Variants in GALNTL6 observed in about 807,000 individuals in gnomAD.
GALNTL6 encodes the protein polypeptide N-acetylgalactosaminyltransferase-like 6.
A neutral mutation model predicts 73.7 loss-of-function variants in GALNTL6; 46 were observed. That is an observed-to-expected ratio of 0.62 (90% CI 0.49 to 0.80). The LOEUF is 0.80. GALNTL6 is among the 30% of genes least tolerant of loss of function. GALNTL6 has a pLI of 0.00. For missense variants in GALNTL6, 604 were observed against 755.0 expected, an observed-to-expected ratio of 0.80 and a Z score of 2.34; for synonymous variants, 259 against 263.7, an observed-to-expected ratio of 0.98 and a Z score of 0.17.
chr4:172,614,548 A>G (rs957783539), intron 5 of GALNTL6, among the ~76,000 whole-genome samples: 7 of 152,184 alleles, frequency 4.6e-5, no homozygotes, highest in Admixed American at 2.0e-4. Context: ...AGTATCTTGT[A>G]TTGGGTAGTT....
chr4:171,951,506 G>A (rs745982717), intron 2 of GALNTL6, among the ~76,000 whole-genome samples: 2 of 151,718 alleles, frequency 1.3e-5, no homozygotes, highest in African/African-American at 2.4e-5. Context: ...TAAAAATCAC[G>A]AGTAAAAATT....
At chr4:172,225,214 T>C (rs1736813351) in intron 2 of GALNTL6, among the ~76,000 whole-genome samples, 2 of 151,968 alleles carry the variant, frequency 1.3e-5, no homozygotes, top group Non-Finnish European at 2.9e-5. Context: ...TGGAGATTGC[T>C]CATGTTAAAG....
chr4:172,965,493 G>A (rs1160293522), intron 10 of GALNTL6, among the ~76,000 whole-genome samples: 1 of 152,020 alleles, frequency 6.6e-6, no homozygotes, highest in Non-Finnish European at 1.5e-5. Flanking sequence ...TGAGGTGGGA[G>A]AATGGCGTGA....
chr4:171,994,374 G>A (rs548356746), intron 2 of GALNTL6, among the ~76,000 whole-genome samples: 3 of 152,058 alleles, frequency 2.0e-5, no homozygotes, highest in Non-Finnish European at 4.4e-5. Context: ...GATATTTAAT[G>A]GTTGTTTATT....
chr4:172,500,107 A>G (rs1734207727), intron 5 of GALNTL6, among the ~76,000 whole-genome samples: 1 of 152,190 alleles, frequency 6.6e-6, no homozygotes, highest in Admixed American at 6.5e-5. Flanking sequence ...AATGTATGTC[A>G]AGACATATCA....
intron 3 of GALNTL6, among the ~76,000 whole-genome samples, chr4:172,285,473 T>C (rs1370769897): frequency 1.3e-5 from 2 of 152,168 alleles, no homozygotes; most frequent in African/African-American, 4.8e-5. Context: ...GTCTAATGTC[T>C]CATGAAAAGT....
At chr4:172,128,542 G>T (rs1006539145) in intron 2 of GALNTL6, among the ~76,000 whole-genome samples, 1 of 152,136 alleles carries the variant, frequency 6.6e-6, no homozygotes, top group Non-Finnish European at 1.5e-5. Flanking sequence ...CTAAAATTTT[G>T]CCCTGATAGG....
At chr4:172,144,094 T>C (rs1482102702) in intron 2 of GALNTL6, among the ~76,000 whole-genome samples, 1 of 152,204 alleles carries the variant, frequency 6.6e-6, no homozygotes, top group Non-Finnish European at 1.5e-5. Flanking sequence ...TATTTCTCCA[T>C]GACTTCAGGG....
At chr4:171,863,652 A>G (rs1007429362) in intron 2 of GALNTL6, among the ~76,000 whole-genome samples, 1 of 152,168 alleles carries the variant, frequency 6.6e-6, no homozygotes, top group South Asian at 2.1e-4. Flanking sequence ...ACTGAGCTGG[A>G]TATTCATCAT....
rs180733429 is a variant in GALNTL6 at position 172,350,705 on chromosome 4, A to G, written c.553+2016A>G. ...AAATAGGTGATAAAATGCTTCTATA[A>G]TCTTTTATAATACATCATAATTTTT... On this transcript the variant is annotated intron_variant, in intron 5 of 12. Coordinates refer to ENST00000506823, the MANE Select transcript of GALNTL6 (RefSeq NM_001034845.3). Among the ~76,000 whole-genome samples, 6 of 152,258 alleles carry G rather than the reference A, an allele frequency of 3.9e-5. No homozygotes were observed. In the East Asian group the frequency reaches 9.6e-4, roughly 24 times the overall value.
intron 2 of GALNTL6, among the ~76,000 whole-genome samples, chr4:171,861,697 T>C (rs1392790995): frequency 1.3e-5 from 2 of 152,184 alleles, no homozygotes; most frequent in Non-Finnish European, 2.9e-5. Context: ...CACAGAACTT[T>C]ACAACTTTCA....
At chr4:172,287,230 C>T (rs1023939746) in intron 3 of GALNTL6, among the ~76,000 whole-genome samples, 4 of 152,120 alleles carry the variant, frequency 2.6e-5, no homozygotes, top group African/African-American at 9.7e-5. Context: ...GGAATGTATC[C>T]ATGTGTCTCT....
intron 5 of GALNTL6, among the ~76,000 whole-genome samples, chr4:172,673,986 T>A (rs1013760284): frequency 1.3e-5 from 2 of 152,248 alleles, no homozygotes; most frequent in African/African-American, 4.8e-5. Context: ...AGTATTGATA[T>A]GTGTGGATTT....
At chr4:172,142,298 G>A (rs971899852) in intron 2 of GALNTL6, among the ~76,000 whole-genome samples, 4 of 151,954 alleles carry the variant, frequency 2.6e-5, no homozygotes, top group African/African-American at 9.7e-5. Context: ...TTGAAGTTTT[G>A]TGCAGTCCTT....
At chr4:172,420,803 G>A (rs1016248092) in intron 5 of GALNTL6, among the ~76,000 whole-genome samples, 14 of 151,994 alleles carry the variant, frequency 9.2e-5, no homozygotes, top group Admixed American at 8.5e-4. Context: ...AGAAAATGTG[G>A]CACATATACA....
At chr4:172,990,013 A>G (rs1207859238) in intron 10 of GALNTL6, among the ~76,000 whole-genome samples, 1 of 152,178 alleles carries the variant, frequency 6.6e-6, no homozygotes, top group Non-Finnish European at 1.5e-5. Context: ...TGGGCCCGTC[A>G]AAAATTATTT....
At chr4:172,059,836 A>AT (rs2110878525) in intron 2 of GALNTL6, among the ~76,000 whole-genome samples, 1 of 152,222 alleles carries the variant, frequency 6.6e-6, no homozygotes, top group South Asian at 2.1e-4. Context: ...TCATAAGTCC[A>AT]TTTTCTTCTC....
At chr4:172,728,965 G>A (rs1016496372) in intron 5 of GALNTL6, among the ~76,000 whole-genome samples, 6 of 152,152 alleles carry the variant, frequency 3.9e-5, no homozygotes, top group African/African-American at 1.4e-4. Flanking sequence ...TATCTCTGAT[G>A]ATTGAAGATG....
chr4:172,585,902 G>GA (rs1043650838), intron 5 of GALNTL6, among the ~76,000 whole-genome samples: 2 of 151,578 alleles, frequency 1.3e-5, no homozygotes, highest in African/African-American at 2.4e-5. Flanking sequence ...ACAAACATAT[G>GA]AAAAAAAAGC....
Sources: allele counts gnomAD v4.1 joint callset (sites outside exome capture counted in the v4.1 genomes callset), GRCh38; gene constraint gnomAD v4.1.1; transcripts MANE v1.5; gene names NCBI Gene and HGNC (gene_info 2026-07-23, HGNC 2026-07-21).